The following CMSS1 variants were observed in gnomAD, a reference collection of about 807,000 sequenced individuals.
The protein encoded by CMSS1 is cms1 ribosomal small subunit homolog, also known as protein CMSS1.
A neutral mutation model predicts 43.5 loss-of-function variants in CMSS1; 33 were observed. The observed-to-expected ratio is 0.76, with a 90% CI of 0.57 to 1.01. The LOEUF is 1.01. CMSS1 is among the 50% of genes least tolerant of loss of function. The pLI, the probability that CMSS1 is intolerant of heterozygous loss-of-function variation, is 0.00. For missense variants in CMSS1, 313 were observed against 326.4 expected, an observed-to-expected ratio of 0.96 and a Z score of 0.32; for synonymous variants, 115 against 117.2, an observed-to-expected ratio of 0.98 and a Z score of 0.12.
rs72936580 is a variant in CMSS1 at position 100,146,159 on chromosome 3, C to T, written c.65-814C>T. Among the ~76,000 whole-genome samples the T allele has an allele frequency of 7.7e-3, 1,178 of 152,192 alleles. 12 individuals are homozygous for T. Among genetic ancestry groups the T allele is most frequent in the African/African-American group, 0.027 (1,102 of 41,508 alleles). ...AAGCACTAAAATCTGAAAGGCAGCGCGACATTATGGGAAATAAGAACCTTC... is the reference window on the plus strand; with the variant it reads ...AAGCACTAAAATCTGAAAGGCAGCGTGACATTATGGGAAATAAGAACCTTC... On this transcript the variant is annotated intron_variant, in intron 1 of 9. Coordinates refer to ENST00000421999, the MANE Select transcript of CMSS1 (RefSeq NM_032359.4).
chr3:100,133,186 A>G (rs1429198389), intron 1 of CMSS1, among the ~76,000 whole-genome samples: 1 of 152,212 alleles, frequency 6.6e-6, no homozygotes, highest in Non-Finnish European at 1.5e-5. Flanking sequence ...ATGATAGAAG[A>G]ACAAAGAAAT....
intron 1 of CMSS1, among the ~76,000 whole-genome samples, chr3:100,024,149 C>T (rs567494285): frequency 1.3e-5 from 2 of 152,184 alleles, no homozygotes; most frequent in Middle Eastern, 3.4e-3. Flanking sequence ...GTGTCATGGT[C>T]GCCTATTTCA....
intron 1 of CMSS1, among the ~76,000 whole-genome samples, chr3:99,861,721 G>T (rs568591922): frequency 5.3e-5 from 8 of 152,312 alleles, no homozygotes; most frequent in African/African-American, 1.9e-4. Context: ...ATGACTGACA[G>T]CATGTACACT....
intron 1 of CMSS1, among the ~76,000 whole-genome samples, chr3:100,121,947 G>C (rs1400016970): frequency 6.6e-6 from 1 of 152,190 alleles, no homozygotes; most frequent in Non-Finnish European, 1.5e-5. Context: ...CTCGGCAGAA[G>C]GCTGCGGCAC....
At chr3:99,972,289 C>A (rs1708845804) in intron 1 of CMSS1, among the ~76,000 whole-genome samples, 1 of 152,128 alleles carries the variant, frequency 6.6e-6, no homozygotes, top group Non-Finnish European at 1.5e-5. Flanking sequence ...TAGTTTTGTT[C>A]ATTTGCCGAA....
chr3:99,994,230 C>T (rs1709606318), intron 1 of CMSS1, among the ~76,000 whole-genome samples: 1 of 151,988 alleles, frequency 6.6e-6, no homozygotes, highest in Non-Finnish European at 1.5e-5. Context: ...GCATTCAGAT[C>T]AGAAAACAAA....
intron 1 of CMSS1, among the ~76,000 whole-genome samples, chr3:99,957,233 A>G (rs1391831713): frequency 1.3e-5 from 2 of 152,264 alleles, no homozygotes; most frequent in African/African-American, 4.8e-5. Flanking sequence ...GTGATAAAGC[A>G]TGGAAAGTAG....
In CMSS1 at chr3:100,065,960, C is replaced by A. The variant is rs141304961; in HGVS notation, c.65-81013C>A. On this transcript the variant is annotated intron_variant, in intron 1 of 9. Transcript: ENST00000421999. ...TAAAGTATTAGGCCCCACACTGGAC[C>A]TTCTGAATCAGAAACTCTGGGAATG... Among the ~76,000 whole-genome samples, 705 of 152,290 alleles carry A rather than the reference C, an allele frequency of 4.6e-3. 2 individuals carry two copies. Among genetic ancestry groups the A allele is most frequent in the South Asian group, 7.1e-3 (34 of 4,822 alleles).
intron 1 of CMSS1, among the ~76,000 whole-genome samples, chr3:100,021,585 T>C (rs1262322020): frequency 6.6e-6 from 1 of 152,234 alleles, no homozygotes; most frequent in Non-Finnish European, 1.5e-5. Context: ...GCAAAGTCTG[T>C]ACTGTGACCC....
chr3:99,890,081 G>GCA lies in CMSS1; in HGVS notation c.64+72042_64+72043dup, dbSNP rs1559677394. ...TTCCTTTAGTGGAAGTCTGCTCTTT[G>GCA]CACACTGTATTTATTTGAATCTGTC... On this transcript the variant is annotated intron_variant, in intron 1 of 9. Coordinates refer to ENST00000421999, the MANE Select transcript of CMSS1 (RefSeq NM_032359.4). Among the ~76,000 whole-genome samples, 3 of 152,002 alleles carry GCA rather than the reference G, an allele frequency of 2.0e-5. No homozygotes were observed. In the South Asian group the frequency reaches 6.2e-4, roughly 32 times the overall value.
chr3:100,143,446 G>T (rs2066820632), intron 1 of CMSS1, among the ~76,000 whole-genome samples: 1 of 152,190 alleles, frequency 6.6e-6, no homozygotes. Flanking sequence ...TTTTAAATTT[G>T]TTAATGTTTT....
intron 1 of CMSS1, among the ~76,000 whole-genome samples, chr3:100,029,824 T>G (rs191776132): frequency 2.0e-5 from 3 of 152,244 alleles, no homozygotes; most frequent in African/African-American, 7.2e-5. Context: ...AAAGGGCAGA[T>G]TCTGAGTCAT....
At chr3:100,142,688 A>G (rs1411741664) in intron 1 of CMSS1, among the ~76,000 whole-genome samples, 1 of 152,220 alleles carries the variant, frequency 6.6e-6, no homozygotes, top group Non-Finnish European at 1.5e-5. Flanking sequence ...TTAAACATTT[A>G]TGGGGCTGAT....
rs116011710 is a variant in CMSS1 at position 100,158,351 on chromosome 3, T to C, written c.154-2079T>C. 3.3e-3 allele frequency among the ~76,000 whole-genome samples: 505 copies of C among 152,240 alleles called. 1 individual carries two copies. The highest frequency in any genetic ancestry group is 0.011 in the African/African-American group (471 of 41,552). ...TCATATAAAGAAATGACATTACTTA[T>C]CAACTGTCAAAGTCACACAGTGTTG... On this transcript the variant is annotated intron_variant, in intron 2 of 9. Transcript: ENST00000421999.
intron 1 of CMSS1, among the ~76,000 whole-genome samples, chr3:99,936,927 T>C (rs1486909370): frequency 6.6e-6 from 1 of 152,108 alleles, no homozygotes; most frequent in Non-Finnish European, 1.5e-5. Context: ...TTAACTAGCT[T>C]ATTTTCTTTT....
chr3:99,824,550 T>A (rs1942501484), intron 1 of CMSS1, among the ~76,000 whole-genome samples: 1 of 152,250 alleles, frequency 6.6e-6, no homozygotes, highest in African/African-American at 2.4e-5. Context: ...AGTTAACCAA[T>A]TAATTATTAA....
At chr3:99,953,189 C>T (rs190044351) in intron 1 of CMSS1, among the ~76,000 whole-genome samples, 3 of 152,250 alleles carry the variant, frequency 2.0e-5, no homozygotes, top group Admixed American at 2.0e-4. Flanking sequence ...TCATTTTCTA[C>T]TTCCTCTGTG....
At chr3:100,093,486 C>CT (rs1199400343) in intron 1 of CMSS1, among the ~76,000 whole-genome samples, 3 of 151,804 alleles carry the variant, frequency 2.0e-5, no homozygotes, top group Non-Finnish European at 4.4e-5. Context: ...TTTAAGTAAA[C>CT]TTTTTACTTT....
At chr3:100,177,960 A>C (rs1021794925) in intron 9 of CMSS1, among the ~76,000 whole-genome samples, 1 of 152,168 alleles carries the variant, frequency 6.6e-6, no homozygotes, top group Non-Finnish European at 1.5e-5. Flanking sequence ...CTCTACTAAA[A>C]ATACAAAAAT....
Sources: gnomAD v4.1 joint callset for allele counts (sites outside exome capture counted in the v4.1 genomes callset) on GRCh38, gnomAD v4.1.1 for gene constraint, MANE v1.5 for transcripts, NCBI Gene and HGNC (gene_info 2026-07-23, HGNC 2026-07-21) for gene names.